Variants in RCBTB2 observed in about 807,000 individuals in gnomAD.
RCBTB2 encodes the protein RCC1 and BTB domain containing protein 2.
Under a neutral mutation model 65.4 loss-of-function variants are expected in RCBTB2, and 55 were observed. That is an observed-to-expected ratio of 0.84 (90% CI 0.68 to 1.05). The LOEUF is 1.05. Ranked by LOEUF, RCBTB2 falls within the 50% of genes least tolerant of loss-of-function variation. The pLI, the probability that RCBTB2 is intolerant of heterozygous loss-of-function variation, is 0.00. For synonymous variants in RCBTB2, 220 were observed against 255.2 expected, an observed-to-expected ratio of 0.86 and a Z score of 1.31; for missense variants, 599 against 680.1, an observed-to-expected ratio of 0.88 and a Z score of 1.33.
chr13:48,495,495 T>C (rs2138416008), intron 14 of RCBTB2, among the ~76,000 whole-genome samples: 1 of 152,326 alleles, frequency 6.6e-6, no homozygotes, highest in South Asian at 2.1e-4. Context: ...ACTAACCTTT[T>C]TCTGATTTTT....
chr13:48,491,936 A>G (rs992219725), intron 14 of RCBTB2, among the ~76,000 whole-genome samples: 2 of 152,156 alleles, frequency 1.3e-5, no homozygotes, highest in Non-Finnish European at 2.9e-5. Flanking sequence ...CATAGAAAAC[A>G]AGGCCCCCAT....
At chr13:48,504,356 A>G (rs1593653873) in intron 10 of RCBTB2, 1 of 985,320 alleles carries the variant, frequency 1.0e-6, no homozygotes, top group Non-Finnish European at 1.2e-6. Context: ...TCACCTCTGT[A>G]CAGACATCTC....
At chr13:48,535,838 A>G (rs1167300117), upstream of RCBTB2, 3 of 442,846 alleles carry the variant, frequency 6.8e-6, 1 homozygote, top group Admixed American at 7.5e-5. Context: ...CCATTGGCAT[A>G]CCCAGAGTTT....
At chr13:48,535,839 C>T (rs1952355058), upstream of RCBTB2, 1 of 442,314 alleles carries the variant, frequency 2.3e-6, no homozygotes, top group African/African-American at 2.0e-5. Flanking sequence ...CATTGGCATA[C>T]CCAGAGTTTG....
intron 2 of RCBTB2, among the ~76,000 whole-genome samples, chr13:48,524,215 C>T (rs942563784): frequency 6.6e-6 from 1 of 152,038 alleles, no homozygotes; most frequent in African/African-American, 2.4e-5. Context: ...GATTACCTTA[C>T]CCTGTTATCC....
chr13:48,535,559 C>T (rs1178144311), upstream of RCBTB2: 2 of 423,662 alleles, frequency 4.7e-6, no homozygotes, highest in Non-Finnish European at 9.5e-6. Flanking sequence ...CTTGGCCCTC[C>T]TATTCATTCT....
intron 1 of RCBTB2, among the ~76,000 whole-genome samples, chr13:48,526,447 G>A (rs2138637996): frequency 6.6e-6 from 1 of 151,940 alleles, no homozygotes; most frequent in Non-Finnish European, 1.5e-5. Context: ...AAGATAGGTG[G>A]ATCGCTTGAA....
At chr13:48,526,502 C>A (rs1007386925) in intron 1 of RCBTB2, among the ~76,000 whole-genome samples, 1 of 152,130 alleles carries the variant, frequency 6.6e-6, no homozygotes, top group Non-Finnish European at 1.5e-5. Flanking sequence ...CACCACTGCA[C>A]TCAGCCCGGG....
chr13:48,519,447 C>T (rs9316392), intron 4 of RCBTB2, among the ~76,000 whole-genome samples: 12,420 of 152,224 alleles, frequency 0.082, 1,299 homozygotes, highest in African/African-American at 0.24. Context: ...CTCTTACATA[C>T]CTGTCTACAA....
chr13:48,490,672 TG>T (rs1949661067), intron 14 of RCBTB2, among the ~76,000 whole-genome samples: 1 of 152,216 alleles, frequency 6.6e-6, no homozygotes, highest in African/African-American at 2.4e-5. Context: ...AAAGAGTTGA[TG>T]GAAGAAAAAG....
At chr13:48,535,713 C>T (rs890802061), upstream of RCBTB2, 3 of 456,602 alleles carry the variant, frequency 6.6e-6, no homozygotes, top group Admixed American at 4.7e-5. Flanking sequence ...GAAGCATTTG[C>T]TTACAGCTGC....
chr13:48,509,996 G>A (rs1950695443), intron 10 of RCBTB2, among the ~76,000 whole-genome samples: 1 of 152,246 alleles, frequency 6.6e-6, no homozygotes. Flanking sequence ...GAAAGGCAGT[G>A]ATCTGACCAT....
chr13:48,512,148 A>C lies in RCBTB2; in HGVS notation c.543T>G (p.Ser181=). ...CTGTTGATCCAGATCCTACCTGCCC[A>C]GAGTTATTATAACCCCAGGCAAATA... is the stretch of plus-strand genomic sequence containing the variant. ...GEVFAWGYNN[S]GQVGSGSTVN... Residue 181 remains serine (S), a synonymous_variant, in exon 8 of 15, where the codon TCT becomes TCG. Transcript: ENST00000344532. 6.2e-7 allele frequency: 1 copy of C among 1,614,068 alleles called. No homozygotes were observed. Among genetic ancestry groups the C allele is most frequent in the Non-Finnish European group, 8.5e-7 (1 of 1,179,904 alleles).
intron 1 of RCBTB2, among the ~76,000 whole-genome samples, chr13:48,531,233 T>C (rs1952101057): frequency 6.6e-6 from 1 of 152,240 alleles, no homozygotes; most frequent in African/African-American, 2.4e-5. Flanking sequence ...AAAATCAATT[T>C]TTGTTGAATA....
chr13:48,535,860 T>C, upstream of RCBTB2: 1 of 409,740 alleles, frequency 2.4e-6, no homozygotes, highest in South Asian at 1.8e-5. Context: ...GTTCTTGGAC[T>C]TCTCTATCTT....
intron 14 of RCBTB2, among the ~76,000 whole-genome samples, chr13:48,493,315 A>ACACACACTCTCT (rs759504798): frequency 5.3e-5 from 4 of 75,028 alleles, no homozygotes; most frequent in Non-Finnish European, 7.4e-5. Context: ...ACACACACAC[A>ACACACACTCTCT]CTCTCTCTCT....
intron 6 of RCBTB2, among the ~76,000 whole-genome samples, chr13:48,514,806 C>T (rs1322426667): frequency 6.6e-6 from 1 of 152,186 alleles, no homozygotes; most frequent in Non-Finnish European, 1.5e-5. Context: ...TATGAAGTGG[C>T]TAATCCCTAC....
upstream of RCBTB2, among the ~76,000 whole-genome samples, chr13:48,534,872 G>T (rs1451080264): frequency 6.6e-6 from 1 of 152,222 alleles, no homozygotes; most frequent in Non-Finnish European, 1.5e-5. Flanking sequence ...AGGAGTTAAA[G>T]TTCCCATCAC....
At chr13:48,515,514 C>G in intron 5 of RCBTB2, 72 bp downstream of exon 5, 1 of 1,415,718 alleles carries the variant, frequency 7.1e-7, no homozygotes, top group Non-Finnish European at 9.6e-7. Flanking sequence ...TTCCTTAGTT[C>G]CCCCAAGATC....
Sources: gnomAD v4.1 joint callset for allele counts (sites outside exome capture counted in the v4.1 genomes callset) on GRCh38, gnomAD v4.1.1 for gene constraint, MANE v1.5 for transcripts, NCBI Gene and HGNC (gene_info 2026-07-23, HGNC 2026-07-21) for gene names.